CNTNAP5: variants seen among roughly 807,000 people sequenced by gnomAD.
CNTNAP5 encodes the protein contactin associated protein family member 5, also known as contactin-associated protein-like 5.
In CNTNAP5, 72 loss-of-function variants were observed where a neutral mutation model predicts 150.2. The observed-to-expected ratio is 0.48, with a 90% CI of 0.40 to 0.58. The LOEUF is 0.58. CNTNAP5 is among the 20% of genes least tolerant of loss of function. The pLI is 0.00. For synonymous variants in CNTNAP5, 672 were observed against 619.8 expected (o/e 1.08, Z -1.25); for missense variants, 1,636 against 1,626.2 (o/e 1.01, Z -0.10).
intron 8 of CNTNAP5, among the ~76,000 whole-genome samples, chr2:124,511,224 CTG>C (rs1313860998): frequency 1.8e-4 from 27 of 152,176 alleles, no homozygotes; most frequent in Non-Finnish European, 7.3e-5. Flanking sequence ...ATAGGGCAGA[CTG>C]TTTTGAATGT....
At chr2:124,060,067 T>C (rs1029612356) in intron 1 of CNTNAP5, among the ~76,000 whole-genome samples, 1 of 152,182 alleles carries the variant, frequency 6.6e-6, no homozygotes, top group Non-Finnish European at 1.5e-5. Flanking sequence ...GTCCATAACC[T>C]CTAAGGCTTG....
intron 20 of CNTNAP5, among the ~76,000 whole-genome samples, chr2:124,866,977 A>C (rs1677646325): frequency 6.6e-6 from 1 of 152,132 alleles, no homozygotes; most frequent in African/African-American, 2.4e-5. Context: ...TCAAGAGCAC[A>C]TTACCTACCT....
chr2:124,270,871 GT>G (rs1266541960), intron 3 of CNTNAP5, among the ~76,000 whole-genome samples: 1 of 152,152 alleles, frequency 6.6e-6, no homozygotes, highest in Non-Finnish European at 1.5e-5. Context: ...TCCTCCCACT[GT>G]TAGAATATGT....
intron 4 of CNTNAP5, among the ~76,000 whole-genome samples, chr2:124,424,248 A>G (rs1692189109): frequency 6.6e-6 from 1 of 152,118 alleles, no homozygotes; most frequent in South Asian, 2.1e-4. Flanking sequence ...CATTTGTCAT[A>G]CATGGTAGAG....
rs1440698778 is a variant in CNTNAP5 at position 124,679,253 on chromosome 2, G to T, written c.2077+31295G>T. ...TGAATTGAGCCAAGAGCTAGCCTTG[G>T]CTGCTGGTGCACACATCAGGAAAGC... On this transcript the variant is annotated intron_variant, in intron 13 of 23. Transcript: ENST00000682447. Among the ~76,000 whole-genome samples the T allele has an allele frequency of 4.6e-5, 7 of 151,896 alleles. 1 individual carries two copies. In the Admixed American group the frequency reaches 4.7e-4, roughly 10 times the overall value.
chr2:124,172,295 A>G (rs1451660958), intron 1 of CNTNAP5, among the ~76,000 whole-genome samples: 1 of 152,226 alleles, frequency 6.6e-6, no homozygotes, highest in African/African-American at 2.4e-5. Flanking sequence ...TATAAAAGTG[A>G]GACGTGCTCA....
chr2:124,163,842 A>G (rs1314362025), intron 1 of CNTNAP5, among the ~76,000 whole-genome samples: 1 of 141,914 alleles, frequency 7.0e-6, no homozygotes, highest in Non-Finnish European at 1.5e-5. Context: ...AACTTCAATT[A>G]TTGCTTCTGC....
intron 11 of CNTNAP5, among the ~76,000 whole-genome samples, chr2:124,576,006 G>A (rs1377847390): frequency 1.3e-5 from 2 of 152,090 alleles, no homozygotes; most frequent in African/African-American, 4.8e-5. Flanking sequence ...TTTATTTAAA[G>A]AGTATTTCTT....
chr2:124,305,593 T>C (rs1688668970), intron 3 of CNTNAP5, among the ~76,000 whole-genome samples: 1 of 152,202 alleles, frequency 6.6e-6, no homozygotes, highest in South Asian at 2.1e-4. Context: ...TGCAACAGTG[T>C]TGAAAAGAGA....
chr2:124,228,244 A>G (rs1686517559), intron 2 of CNTNAP5, among the ~76,000 whole-genome samples: 1 of 152,138 alleles, frequency 6.6e-6, no homozygotes, highest in African/African-American at 2.4e-5. Flanking sequence ...CCCAGGAGAG[A>G]GAGAGAAAAT....
At chr2:124,098,593 C>T (rs1367181307) in intron 1 of CNTNAP5, among the ~76,000 whole-genome samples, 1 of 152,000 alleles carries the variant, frequency 6.6e-6, no homozygotes, top group Non-Finnish European at 1.5e-5. Context: ...CCATTATTTC[C>T]CCCATTTTAC....
chr2:124,298,870 C>T (rs1258575981), intron 3 of CNTNAP5, among the ~76,000 whole-genome samples: 2 of 152,110 alleles, frequency 1.3e-5, no homozygotes, highest in Non-Finnish European at 1.5e-5. Flanking sequence ...TTTAACTTAA[C>T]CACTTAGTGC....
At chr2:124,814,587 A>C (rs975943425) in intron 19 of CNTNAP5, among the ~76,000 whole-genome samples, 2 of 151,980 alleles carry the variant, frequency 1.3e-5, no homozygotes, top group Non-Finnish European at 2.9e-5. Flanking sequence ...TTTTTTTTTC[A>C]AGCAAAAGAT....
chr2:124,547,066 AC>A (rs767915423), intron 10 of CNTNAP5, among the ~76,000 whole-genome samples: 1 of 152,138 alleles, frequency 6.6e-6, no homozygotes, highest in Non-Finnish European at 1.5e-5. Flanking sequence ...TGTCAAACCC[AC>A]TACCTCCCCC....
At chr2:124,578,201 G>A (rs1696335453) in intron 11 of CNTNAP5, among the ~76,000 whole-genome samples, 1 of 149,962 alleles carries the variant, frequency 6.7e-6, no homozygotes, top group African/African-American at 2.5e-5. Context: ...ATGGTGGCAG[G>A]CACCTGTAAT....
chr2:124,454,783 C>T (rs1330295754), intron 6 of CNTNAP5, among the ~76,000 whole-genome samples: 1 of 152,070 alleles, frequency 6.6e-6, no homozygotes, highest in Non-Finnish European at 1.5e-5. Flanking sequence ...TAACCCACTC[C>T]TGAATGATCA....
intron 11 of CNTNAP5, among the ~76,000 whole-genome samples, chr2:124,578,785 GTAAATAAATAAA>G (rs530725325): frequency 1.8e-3 from 278 of 151,610 alleles, no homozygotes; most frequent in African/African-American, 6.4e-3. Flanking sequence ...AAATAAATAA[GTAAATAAATAAA>G]TAAATAAATA....
chr2:124,622,474 G>A (rs570444804), intron 12 of CNTNAP5, among the ~76,000 whole-genome samples: 15 of 152,112 alleles, frequency 9.9e-5, no homozygotes, highest in African/African-American at 3.4e-4. Context: ...AGATTCCTTT[G>A]GGTATATAAC....
intron 19 of CNTNAP5, among the ~76,000 whole-genome samples, chr2:124,833,267 A>G (rs769691071): frequency 4.6e-5 from 7 of 152,128 alleles, no homozygotes; most frequent in Non-Finnish European, 8.8e-5. Flanking sequence ...CCTTTTGTCA[A>G]GGAGTGTAAA....
Sources: allele counts gnomAD v4.1 joint callset (sites outside exome capture counted in the v4.1 genomes callset), GRCh38; gene constraint gnomAD v4.1.1; transcripts MANE v1.5; gene names NCBI Gene and HGNC (gene_info 2026-07-23, HGNC 2026-07-21).